AMPD3: variants seen among roughly 807,000 people sequenced by gnomAD.
AMPD3 encodes adenosine monophosphate deaminase 3.
Under a neutral mutation model 82.3 loss-of-function variants are expected in AMPD3, and 57 were observed. The observed-to-expected ratio is 0.69, with a 90% CI of 0.56 to 0.86. The LOEUF is 0.86. Among genes scored for constraint, AMPD3 ranks in the 40% least tolerant of loss-of-function variants. AMPD3 has a pLI of 0.00. For synonymous variants in AMPD3, 381 were observed against 394.7 expected, an observed-to-expected ratio of 0.97 and a Z score of 0.41; for missense variants, 870 against 1,003.8, an observed-to-expected ratio of 0.87 and a Z score of 1.80.
intron 13 of AMPD3, chr11:10,503,937 G>A (rs1390054091): frequency 3.0e-6 from 3 of 985,318 alleles, no homozygotes; most frequent in Non-Finnish European, 3.6e-6. Context: ...TACAGCGGCA[G>A]TGGGGTGGGG....
chr11:10,492,730 G>A (rs983493258), intron 6 of AMPD3, among the ~76,000 whole-genome samples: 20 of 152,128 alleles, frequency 1.3e-4, no homozygotes, highest in African/African-American at 3.9e-4. Context: ...TGATCGGGAC[G>A]GTCTGCACAA....
intron 3 of AMPD3, among the ~76,000 whole-genome samples, chr11:10,481,091 A>G (rs1035011498): frequency 2.6e-5 from 4 of 152,210 alleles, no homozygotes; most frequent in African/African-American, 9.7e-5. Context: ...CTTCCTGGCA[A>G]GTGATTTATC....
rs1849708422 is a variant in AMPD3, at chr11:10,506,090, C to T, written c.*206C>T. 1 of 626,112 alleles carries T rather than the reference C, an allele frequency of 1.6e-6. No homozygotes were observed. The highest frequency in any genetic ancestry group is 2.5e-5 in the Admixed American group (1 of 40,448). 38.8% of individuals were successfully genotyped at this position (626,112 alleles called of 1,614,324 possible). On this transcript the variant is annotated 3_prime_UTR_variant, in exon 15 of 15. Coordinates refer to ENST00000396553, the MANE Select transcript of AMPD3 (RefSeq NM_001025389.2). This position sits in a 1 kb window ranked among gnomAD's most constrained non-coding sequence, Gnocchi z 4.1. ...TTTCTGAGTAACAAGATGGTGACTTCTCCTTGGGGATCTGGGAGCTGAGCA... is the reference window on the plus strand; with the variant it reads ...TTTCTGAGTAACAAGATGGTGACTTTTCCTTGGGGATCTGGGAGCTGAGCA...
chr11:10,496,791 C>A (rs141505983), intron 9 of AMPD3, 21 bp from the exon 10 acceptor site: 3 of 1,614,060 alleles, frequency 1.9e-6, no homozygotes, highest in Non-Finnish European at 1.7e-6. Flanking sequence ...ACCTGACAAG[C>A]GAGTCTTTGC....
chr11:10,478,140 G>A, intron 2 of AMPD3: 1 of 985,436 alleles, frequency 1.0e-6, no homozygotes, highest in Non-Finnish European at 1.2e-6. Context: ...AAGCCAGCAT[G>A]CTGTCCACAC....
intron 10 of AMPD3, chr11:10,497,877 A>G (rs1367871691): frequency 1.0e-6 from 1 of 976,610 alleles, no homozygotes; most frequent in Non-Finnish European, 1.2e-6. Flanking sequence ...CCCCGTTACT[A>G]TCACCATTTT....
intron 10 of AMPD3, among the ~76,000 whole-genome samples, chr11:10,497,259 C>T (rs954383993): frequency 5.3e-5 from 8 of 151,476 alleles, no homozygotes; most frequent in African/African-American, 1.9e-4. Context: ...AAGGCTGGAT[C>T]TAGCCCCCGG....
Position 10,456,142 on chromosome 11 carries a change from C to T in AMPD3, c.-6+694C>T, listed in dbSNP as rs1291820389. The T allele has an allele frequency of 1.1e-5, 15 of 1,373,772 alleles. No individual in the cohort carries two copies. In the East Asian group the frequency reaches 3.6e-4, roughly 33 times the overall value. 85.1% of individuals were successfully genotyped at this position (1,373,772 alleles called of 1,614,324 possible). ...TTTTGTTTTGGATAACTGGGATTAC[C>T]TGGGGACTTCAGGGCTCTTGGAAAT... On this transcript the variant is annotated intron_variant, in intron 1 of 14. Transcript: ENST00000396553. This position sits in a 1 kb window ranked among gnomAD's most constrained non-coding sequence, Gnocchi z 4.3.
chr11:10,470,161 T>C (rs921755907), intron 2 of AMPD3, among the ~76,000 whole-genome samples: 1 of 152,036 alleles, frequency 6.6e-6, no homozygotes, highest in Admixed American at 6.5e-5. Context: ...TGGTTCAACA[T>C]ATGCAAATCA....
intron 3 of AMPD3, among the ~76,000 whole-genome samples, chr11:10,479,520 G>A (rs1848841881): frequency 1.3e-5 from 2 of 152,174 alleles, no homozygotes; most frequent in Admixed American, 1.3e-4. Context: ...TTTTGGTTAT[G>A]TGTAATGGAG....
At chr11:10,501,365 A>G (rs1849574695) in intron 11 of AMPD3, 105 bp from the exon 12 acceptor site, 3 of 1,539,704 alleles carry the variant, frequency 1.9e-6, no homozygotes, top group Non-Finnish European at 2.6e-6. Flanking sequence ...ACAGCTGACC[A>G]TGGGTGGTCA....
chr11:10,450,767 A>G (rs1446576985), upstream of AMPD3: 2 of 1,150,536 alleles, frequency 1.7e-6, no homozygotes, highest in Non-Finnish European at 2.1e-6. Flanking sequence ...GCGCCCAGGT[A>G]GGGCACCGAC....
rs977273060 is a variant in AMPD3 at position 10,481,542 on chromosome 11, T to A, written c.427-521T>A. On this transcript the variant is annotated intron_variant, in intron 3 of 14. Coordinates refer to ENST00000396553, the MANE Select transcript of AMPD3 (RefSeq NM_001025389.2). ...TGGGGGTCTCCAAGACCACTCCAGG[T>A]TGGATGATTCACCAGGAGGACTCAC... is the stretch of plus-strand genomic sequence containing the variant. The A allele has an allele frequency of 8.2e-6, 8 of 979,742 alleles. No homozygotes were observed. In the African/African-American group the frequency reaches 1.4e-4, roughly 17 times the overall value. 60.7% of individuals were successfully genotyped at this position (979,742 alleles called of 1,614,324 possible). A position where few individuals can be genotyped will look rare whatever the true frequency, so the allele number is the denominator to read the frequency against.
At chr11:10,473,979 G>A (rs1335901977) in intron 2 of AMPD3, among the ~76,000 whole-genome samples, 4 of 152,240 alleles carry the variant, frequency 2.6e-5, no homozygotes, top group Admixed American at 6.5e-5. Flanking sequence ...CTGAGTGTGC[G>A]TGGGGGAGGA....
chr11:10,502,785 A>G lies in AMPD3; in HGVS notation c.1907A>G (p.Asn636Ser). 2 of 1,614,160 alleles carry G rather than the reference A, an allele frequency of 1.2e-6. No homozygotes were observed. The highest frequency in any genetic ancestry group is 8.5e-7 in the Non-Finnish European group (1 of 1,179,996). Residue 636 changes from asparagine to serine, a missense_variant, in exon 13 of 15, where the codon AAC (asparagine) becomes AGC (serine). Asn to Ser is a conservative substitution (Grantham distance 46, BLOSUM62 1). Transcript: ENST00000396553. The stretch of plus-strand genomic sequence containing the variant: ...CCCATTGCCATGTCTCCTCTTAGCA[A>G]CAACAGTTTGTTCCTCGAATATTCC... ...QIPIAMSPLS[N>S]NSLFLEYSKN...
In AMPD3 at chr11:10,506,751, A is replaced by G. The variant is rs923882771; in HGVS notation, c.*867A>G. On this transcript the variant is annotated 3_prime_UTR_variant, in exon 15 of 15. Coordinates refer to ENST00000396553, the MANE Select transcript of AMPD3 (RefSeq NM_001025389.2). The surrounding 1 kb of genome is among the most constrained non-coding windows in gnomAD (Gnocchi z 4.1). ...AATATGCTACAACTGTAGGCCAATT[A>G]TCACTTTACCAATTAAGAGTTAGGC... 2 of 152,274 alleles carry G rather than the reference A, an allele frequency of 1.3e-5. No individual in the cohort carries two copies. Among genetic ancestry groups the G allele is most frequent in the African/African-American group, 4.8e-5 (2 of 41,476 alleles). The allele number at this position is 152,274 out of a possible 1,614,324, so 9.4% of individuals were successfully genotyped here. A position where few individuals can be genotyped will look rare whatever the true frequency, so the allele number is the denominator to read the frequency against.
upstream of AMPD3, chr11:10,451,109 G>A: frequency 1.9e-6 from 3 of 1,540,744 alleles, no homozygotes; most frequent in Non-Finnish European, 2.6e-6. Flanking sequence ...GCCCAGGCGG[G>A]AATCAGCAGC....
At chr11:10,481,536 T>C in intron 3 of AMPD3, 1 of 982,378 alleles carries the variant, frequency 1.0e-6, no homozygotes, top group Non-Finnish European at 1.2e-6. Flanking sequence ...CCAAGACCAC[T>C]CCAGGTTGGA....
intron 7 of AMPD3, among the ~76,000 whole-genome samples, chr11:10,493,898 G>C (rs1289552886): frequency 6.6e-6 from 1 of 152,198 alleles, no homozygotes; most frequent in African/African-American, 2.4e-5. Context: ...CTAAATGATG[G>C]TGTAACTGCT....
Sources: allele counts gnomAD v4.1 joint callset (sites outside exome capture counted in the v4.1 genomes callset), GRCh38; gene constraint gnomAD v4.1.1; non-coding constraint Gnocchi (gnomAD v3.1); transcripts MANE v1.5; gene names NCBI Gene and HGNC (gene_info 2026-07-23, HGNC 2026-07-21).